The following DNAH17 variants were observed in gnomAD, a reference collection of about 807,000 sequenced individuals.
DNAH17 encodes axonemal beta dynein heavy chain 17.
Under a neutral mutation model 485.6 loss-of-function variants are expected in DNAH17, and 376 were observed. That is an observed-to-expected ratio of 0.77 (90% CI 0.71 to 0.84). The LOEUF (loss-of-function observed/expected upper bound fraction) is 0.84. DNAH17 is among the 40% of genes least tolerant of loss of function. The pLI is 0.00. For missense variants in DNAH17, 6,370 were observed against 5,839.3 expected (o/e 1.09, Z -2.96); for synonymous variants, 3,031 against 2,405.9 (o/e 1.26, Z -7.60).
Position 78,502,694 on chromosome 17 carries a change from G to C in DNAH17, c.5087C>G (p.Ala1696Gly), listed in dbSNP as rs1274752946. 1 of 1,611,370 alleles carries C rather than the reference G, an allele frequency of 6.2e-7. No individual in the cohort carries two copies. The highest frequency in any genetic ancestry group is 8.5e-7 in the Non-Finnish European group (1 of 1,179,826). The part of the protein sequence containing the change: ...QWILDYPAQV[A>G]LTCTQIWWTT... ...CCACCAGATCTGGGTGCAAGTCAGGGCCACCTGAAAGTACATACCCCCCAT... is the reference window on the plus strand; with the variant it reads ...CCACCAGATCTGGGTGCAAGTCAGGCCCACCTGAAAGTACATACCCCCCAT... The change falls in exon 33 of 81, where the codon GCC becomes GGC. Residue 1696 changes from alanine (A) to glycine (G), a missense_variant. Coordinates refer to ENST00000389840, the MANE Select transcript of DNAH17 (RefSeq NM_173628.4).
intron 47 of DNAH17, 122 bp downstream of exon 47, chr17:78,485,428 T>G: frequency 6.4e-6 from 6 of 938,712 alleles, no homozygotes; most frequent in Non-Finnish European, 9.5e-6. Context: ...GGGTGGGGCA[T>G]GGGAAGTGAG....
intron 44 of DNAH17, among the ~76,000 whole-genome samples, chr17:78,488,265 C>G (rs538789824): frequency 6.6e-6 from 1 of 152,328 alleles, no homozygotes; most frequent in African/African-American, 2.4e-5. Flanking sequence ...TGCCCTGTCC[C>G]CAAGGCCATC....
chr17:78,546,355 A>G (rs771684601), intron 16 of DNAH17, among the ~76,000 whole-genome samples: 38 of 152,256 alleles, frequency 2.5e-4, no homozygotes, highest in Middle Eastern at 3.2e-3. Flanking sequence ...GAAGTAGCAT[A>G]TAACTACATT....
At chr17:78,444,957 G>A (rs887998966) in intron 70 of DNAH17, among the ~76,000 whole-genome samples, 160 bp from the exon 71 acceptor site, 4 of 152,114 alleles carry the variant, frequency 2.6e-5, no homozygotes, top group African/African-American at 9.7e-5. Context: ...AGCAGGAGCT[G>A]TCCATGCCCA....
chr17:78,448,118 G>T (rs1274159824), intron 69 of DNAH17, among the ~76,000 whole-genome samples: 1 of 151,752 alleles, frequency 6.6e-6, no homozygotes, highest in Admixed American at 6.6e-5. Flanking sequence ...GTTGTGGTGG[G>T]CTGAGATTGC....
At chr17:78,493,506 T>C (rs1385025374) in intron 41 of DNAH17, among the ~76,000 whole-genome samples, 1 of 152,258 alleles carries the variant, frequency 6.6e-6, no homozygotes, top group Non-Finnish European at 1.5e-5. Flanking sequence ...TTTAGGAAAC[T>C]GGGTCCATGC....
intron 71 of DNAH17, 118 bp downstream of exon 71, chr17:78,444,486 A>G: frequency 1.0e-6 from 1 of 953,748 alleles, no homozygotes; most frequent in South Asian, 1.8e-5. Flanking sequence ...AAATGGGGAG[A>G]AGAAAAAAGT....
intron 80 of DNAH17, 115 bp from the exon 81 acceptor site, chr17:78,424,268 A>AAAAGGCTTC (rs2086293911): frequency 3.0e-6 from 4 of 1,346,962 alleles, no homozygotes; most frequent in Non-Finnish European, 9.9e-7. Flanking sequence ...GCTCTACCCC[A>AAAAGGCTTC]AAAGGCTTCA....
chr17:78,553,240 T>G (rs2091942318), intron 14 of DNAH17, among the ~76,000 whole-genome samples: 1 of 149,692 alleles, frequency 6.7e-6, no homozygotes, highest in African/African-American at 2.5e-5. Context: ...ATGAGCTAAT[T>G]AAACCTCTTT....
chr17:78,489,890 C>T (rs1372526855), intron 44 of DNAH17: 2 of 151,952 alleles, frequency 1.3e-5, no homozygotes, highest in East Asian at 1.9e-4. Context: ...TGAACTGTGA[C>T]CTCCAGCCAA....
intron 54 of DNAH17, among the ~76,000 whole-genome samples, chr17:78,469,987 G>A (rs907700990): frequency 6.6e-6 from 1 of 151,788 alleles, no homozygotes; most frequent in Non-Finnish European, 1.5e-5. Context: ...CCTGGAGAGG[G>A]ACAGTGGTGA....
chr17:78,466,834 A>C lies in DNAH17; in HGVS notation c.8779-18T>G, dbSNP rs1158879132. 1 of 1,552,298 alleles carries C rather than the reference A, an allele frequency of 6.4e-7. No homozygotes were observed. Among genetic ancestry groups the C allele is most frequent in the Admixed American group, 1.9e-5 (1 of 52,044 alleles). On this transcript the variant is annotated intron_variant, in intron 55 of 80. Coordinates refer to ENST00000389840, the MANE Select transcript of DNAH17 (RefSeq NM_173628.4). ...AGGATCACCTGGGTGTGGGAGACAC[A>C]GATGCGCTGCCTACTGGGACTGCAG...
At chr17:78,540,036 T>TC (rs2091479648) in intron 17 of DNAH17, among the ~76,000 whole-genome samples, 156 bp from the exon 18 acceptor site, 1 of 152,168 alleles carries the variant, frequency 6.6e-6, no homozygotes, top group African/African-American at 2.4e-5. Flanking sequence ...GCCTTCCTAC[T>TC]CGAGGCTTTG....
chr17:78,561,813 G>C lies in DNAH17; in HGVS notation c.1737C>G (p.His579Gln). 6.2e-7 allele frequency: 1 copy of C among 1,613,886 alleles called. No individual in the cohort carries two copies. The highest frequency in any genetic ancestry group is 1.3e-5 in the African/African-American group (1 of 75,050). ...GCCCGGCCACGGGAGGCATGTTTTT[G>C]TGGATCAGGGGGATGTTCCCCTCCT... ...ASEEGNIPLI[H>Q]KNMPPVAGQL... Residue 579 changes from histidine to glutamine, a missense_variant, in exon 12 of 81, where the codon CAC becomes CAG. By Grantham distance (24) the His-to-Gln change is conservative. Coordinates refer to ENST00000389840, the MANE Select transcript of DNAH17 (RefSeq NM_173628.4).
rs1372155763 is a variant in DNAH17, at chr17:78,466,639, G to A, written c.8940+16C>T. On this transcript the variant is annotated intron_variant, in intron 56 of 80. Transcript: ENST00000389840. The stretch of plus-strand genomic sequence containing the variant: ...CTGGGCTCTACACTCAGGCAGAGGT[G>A]GCCTCAGTGACTCACCGGAATCCCC... 2.5e-6 allele frequency: 4 copies of A among 1,597,602 alleles called. No individual in the cohort carries two copies. The highest frequency in any genetic ancestry group is 2.7e-5 in the African/African-American group (2 of 74,292).
chr17:78,573,813 CTG>C (rs1365730490), intron 2 of DNAH17, among the ~76,000 whole-genome samples: 1 of 152,042 alleles, frequency 6.6e-6, no homozygotes, highest in African/African-American at 2.4e-5. Flanking sequence ...GCCTCCAGGA[CTG>C]TGAGAAAATG....
intron 1 of DNAH17, among the ~76,000 whole-genome samples, chr17:78,576,554 G>A (rs1049595837): frequency 6.6e-6 from 1 of 152,170 alleles, no homozygotes; most frequent in African/African-American, 2.4e-5. Flanking sequence ...TCAGCATGCT[G>A]CTGAATTAAT....
In DNAH17 at chr17:78,502,943, G is replaced by C. The variant is rs372976203; in HGVS notation, c.5025C>G (p.Ala1675=). ...CSTLRHEIPE[A]VVTYEEKPRE... Reference sequence around the variant, plus strand: ...TCGGCTTCTCTTCGTAGGTCACCACGGCCTCTGGGATTTCGTGCCGGAGGG... The same window carrying C: ...TCGGCTTCTCTTCGTAGGTCACCACCGCCTCTGGGATTTCGTGCCGGAGGG... Residue 1675 remains alanine (A), a synonymous_variant, in exon 32 of 81, where the codon GCC becomes GCG. Coordinates refer to ENST00000389840, the MANE Select transcript of DNAH17 (RefSeq NM_173628.4). 1 of 1,613,800 alleles carries C rather than the reference G, an allele frequency of 6.2e-7. No individual in the cohort carries two copies. Among genetic ancestry groups the C allele is most frequent in the Admixed American group, 1.7e-5 (1 of 59,990 alleles).
intron 17 of DNAH17, among the ~76,000 whole-genome samples, chr17:78,540,602 G>A (rs1018041159): frequency 2.1e-4 from 28 of 133,190 alleles, no homozygotes; most frequent in African/African-American, 8.1e-4. Context: ...GTGGGTGAAT[G>A]AATAGATGAA....
Sources: allele counts gnomAD v4.1 joint callset (sites outside exome capture counted in the v4.1 genomes callset), GRCh38; gene constraint gnomAD v4.1.1; transcripts MANE v1.5; gene names NCBI Gene and HGNC (gene_info 2026-07-23, HGNC 2026-07-21).